DYNC1I1: variants seen among roughly 807,000 people sequenced by gnomAD.
The protein encoded by DYNC1I1 is dynein cytoplasmic 1 intermediate chain 1, also known as cytoplasmic dynein 1 intermediate chain 1.
A neutral mutation model predicts 86.6 loss-of-function variants in DYNC1I1; 43 were observed. The ratio of observed to expected loss-of-function variants is 0.50; its 90% CI spans 0.39 to 0.64. The LOEUF (loss-of-function observed/expected upper bound fraction) is 0.64, where lower values mean the gene tolerates loss of function less well. DYNC1I1 is among the 30% of genes least tolerant of loss of function. The pLI, the probability that DYNC1I1 is intolerant of heterozygous loss-of-function variation, is 0.00. For synonymous variants in DYNC1I1, 262 were observed against 283.7 expected, an observed-to-expected ratio of 0.92 and a Z score of 0.77; for missense variants, 604 against 788.8, an observed-to-expected ratio of 0.77 and a Z score of 2.81.
chr7:95,850,695 A>C (rs1386890507), intron 5 of DYNC1I1, among the ~76,000 whole-genome samples: 1 of 152,180 alleles, frequency 6.6e-6, no homozygotes, highest in African/African-American at 2.4e-5. Context: ...CTGTCAGCAA[A>C]ACTAGCAAGG....
intron 14 of DYNC1I1, among the ~76,000 whole-genome samples, chr7:96,073,606 T>C (rs759129031): frequency 6.6e-5 from 10 of 152,198 alleles, no homozygotes; most frequent in Non-Finnish European, 1.3e-4. Flanking sequence ...AGTCTATCTG[T>C]ATGAAGACCT....
intron 6 of DYNC1I1, among the ~76,000 whole-genome samples, chr7:95,917,963 A>C (rs922858023): frequency 2.0e-5 from 3 of 152,258 alleles, no homozygotes; most frequent in African/African-American, 7.2e-5. Context: ...TCAGAGGACC[A>C]AGGGAAATTT....
intron 14 of DYNC1I1, among the ~76,000 whole-genome samples, chr7:96,041,483 C>A (rs1164242745): frequency 9.2e-5 from 14 of 152,012 alleles, no homozygotes; most frequent in Admixed American, 6.6e-5. Flanking sequence ...AAAGATATAC[C>A]AGCAAAAATA....
intron 5 of DYNC1I1, among the ~76,000 whole-genome samples, chr7:95,832,957 GA>G: frequency 6.6e-6 from 1 of 151,872 alleles, no homozygotes; most frequent in East Asian, 1.9e-4. Context: ...TTGCTGTGCA[GA>G]AGCTCTTTAG....
chr7:96,032,942 G>T (rs1365468570), intron 12 of DYNC1I1, among the ~76,000 whole-genome samples, 162 bp downstream of exon 12: 1 of 152,182 alleles, frequency 6.6e-6, no homozygotes, highest in African/African-American at 2.4e-5. Flanking sequence ...TTCTCTTGAA[G>T]CCAAAACCCA....
chr7:95,962,323 A>G (rs1034761106), intron 6 of DYNC1I1, among the ~76,000 whole-genome samples: 20 of 152,192 alleles, frequency 1.3e-4, no homozygotes, highest in Middle Eastern at 3.4e-3. Flanking sequence ...TTGGAACCTT[A>G]TTTCATATTT....
At chr7:95,785,753 ATGTATATATATG>A (rs1333591615) in intron 1 of DYNC1I1, among the ~76,000 whole-genome samples, 61 of 137,300 alleles carry the variant, frequency 4.4e-4, no homozygotes, top group Non-Finnish European at 8.4e-4. Flanking sequence ...ATATGTGTGT[ATGTATATATATG>A]TGTGTATGTG....
chr7:96,054,945 G>A (rs1789525998), intron 14 of DYNC1I1, among the ~76,000 whole-genome samples: 1 of 152,112 alleles, frequency 6.6e-6, no homozygotes, highest in South Asian at 2.1e-4. Context: ...AGTTTCTTTG[G>A]CTGTGCAGAA....
At chr7:96,005,837 G>A (rs1040200710) in intron 10 of DYNC1I1, among the ~76,000 whole-genome samples, 13 of 152,138 alleles carry the variant, frequency 8.5e-5, no homozygotes, top group Non-Finnish European at 1.6e-4. Flanking sequence ...TCAAAACGCC[G>A]TTGCTAGGCT....
rs932158504 is a variant in DYNC1I1, at chr7:95,870,090, A to G, written c.490+92A>G. The G allele has an allele frequency of 4.2e-5, 47 of 1,111,092 alleles. No homozygotes were observed. The African/African-American group carries it at 6.2e-4, about 15-fold the overall frequency. The allele number at this position is 1,111,092 out of a possible 1,614,324, so 68.8% of individuals were successfully genotyped here. On this transcript the variant is annotated intron_variant, in intron 6 of 16. Coordinates refer to ENST00000447467, the MANE Select transcript of DYNC1I1 (RefSeq NM_001135556.2). ...CTTGTTGATTTCCTCTTACCATAAGAGCTCTTCATGGGATACAAACATAAT... is the reference window on the plus strand; with the variant it reads ...CTTGTTGATTTCCTCTTACCATAAGGGCTCTTCATGGGATACAAACATAAT...
At chr7:95,810,361 A>C (rs191170660) in intron 2 of DYNC1I1, 31 bp from the exon 3 acceptor site, 1 of 1,555,374 alleles carries the variant, frequency 6.4e-7, no homozygotes, top group South Asian at 1.2e-5. Context: ...TAGTTATGTT[A>C]TTAACTTTTC....
intron 6 of DYNC1I1, among the ~76,000 whole-genome samples, chr7:95,974,802 A>G (rs1426753349): frequency 6.6e-6 from 1 of 152,214 alleles, no homozygotes. Context: ...TACAACTTGT[A>G]TTTGTTCACC....
chr7:95,836,554 G>T (rs1482113248), intron 5 of DYNC1I1, among the ~76,000 whole-genome samples: 2 of 151,716 alleles, frequency 1.3e-5, no homozygotes, highest in African/African-American at 4.8e-5. Context: ...ATAATATCCT[G>T]CACAGTGTTT....
intron 4 of DYNC1I1, chr7:95,818,365 A>G: frequency 2.2e-6 from 1 of 445,650 alleles, no homozygotes; most frequent in South Asian, 6.3e-5. Context: ...GTGGTGGCAC[A>G]ATCTTAGCTC....
intron 16 of DYNC1I1, among the ~76,000 whole-genome samples, chr7:96,107,773 G>T (rs547410822): frequency 1.3e-5 from 2 of 151,080 alleles, no homozygotes; most frequent in African/African-American, 2.4e-5. Context: ...TGATCCACCT[G>T]CCTCGGCCTC....
At chr7:95,898,742 C>T (rs1584140084) in intron 6 of DYNC1I1, among the ~76,000 whole-genome samples, 1 of 152,118 alleles carries the variant, frequency 6.6e-6, no homozygotes, top group Admixed American at 6.6e-5. Context: ...GTGAGTTCAT[C>T]TTCTTTACAA....
chr7:95,912,278 C>T (rs1791357247), intron 6 of DYNC1I1, among the ~76,000 whole-genome samples: 1 of 152,178 alleles, frequency 6.6e-6, no homozygotes, highest in Non-Finnish European at 1.5e-5. Context: ...CTCAGGTGAT[C>T]CACCCGCTTT....
intron 6 of DYNC1I1, among the ~76,000 whole-genome samples, chr7:95,970,880 C>T (rs1793150575): frequency 1.3e-5 from 2 of 152,098 alleles, no homozygotes; most frequent in Admixed American, 1.3e-4. Flanking sequence ...ATTCACAAAT[C>T]TGTTTCAGAG....
At chr7:95,987,205 AT>A in intron 9 of DYNC1I1, 50 bp downstream of exon 9, 1 of 1,491,388 alleles carries the variant, frequency 6.7e-7, no homozygotes. Flanking sequence ...TTCTCGTGGC[AT>A]TTGTATAAAA....
Sources: gnomAD v4.1 joint callset for allele counts (sites outside exome capture counted in the v4.1 genomes callset) on GRCh38, gnomAD v4.1.1 for gene constraint, MANE v1.5 for transcripts, NCBI Gene and HGNC (gene_info 2026-07-23, HGNC 2026-07-21) for gene names.